CYP2R1: variants seen among roughly 807,000 people sequenced by gnomAD.
CYP2R1 encodes the protein cytochrome P450 family 2 subfamily R member 1, also known as vitamin D 25-hydroxylase.
Under a neutral mutation model 45.7 loss-of-function variants are expected in CYP2R1, and 40 were observed. The ratio of observed to expected loss-of-function variants is 0.87; its 90% CI spans 0.68 to 1.14. CYP2R1 has a LOEUF of 1.14. CYP2R1 is among the 50% of genes most tolerant of loss of function. The probability of loss-of-function intolerance (pLI) is 0.00; values close to 1 mark genes in which losing one functional copy is unlikely to be tolerated. For synonymous variants in CYP2R1, 234 were observed against 219.3 expected (o/e 1.07, Z -0.59); for missense variants, 605 against 602.6 (o/e 1.00, Z -0.04).
rs782549131 is a variant in CYP2R1, at chr11:14,885,841, T to C, written c.302A>G (p.His101Arg). 1.9e-6 allele frequency: 3 copies of C among 1,613,568 alleles called. No homozygotes were observed. Among genetic ancestry groups the C allele is most frequent in the Admixed American group, 3.3e-5 (2 of 59,966 alleles). ...GYDVVKECLV[H>R]QSEIFADRPC... ...TCTGTCTGCAAAAATTTCGCTTTGATGAACAAGGCATTCCTTTACTACATC... is the reference window on the plus strand; with the variant it reads ...TCTGTCTGCAAAAATTTCGCTTTGACGAACAAGGCATTCCTTTACTACATC... Residue 101 changes from histidine (H) to arginine (R), a missense_variant, in exon 2 of 5, where the codon CAT becomes CGT. Coordinates refer to ENST00000334636, the MANE Select transcript of CYP2R1 (RefSeq NM_024514.5).
chr11:14,885,076 A>G (rs1247540562), intron 2 of CYP2R1, among the ~76,000 whole-genome samples: 1 of 152,170 alleles, frequency 6.6e-6, no homozygotes, highest in African/African-American at 2.4e-5. Context: ...GTTTTTGCCT[A>G]TGTAAGCAAG....
At chr11:14,880,800 C>A in intron 2 of CYP2R1, 32 bp from the exon 3 acceptor site, 1 of 1,574,140 alleles carries the variant, frequency 6.4e-7, no homozygotes, top group Non-Finnish European at 8.6e-7. Context: ...TTGTATAATT[C>A]CTACTTCTCT....
chr11:14,884,244 C>T lies in CYP2R1; in HGVS notation c.367+1532G>A, dbSNP rs1208315671. ...GACACATGCACACATATGTTTATTG[C>T]GGCACTATTCACAATAGCAAAGACT... is the stretch of plus-strand genomic sequence containing the variant. On this transcript the variant is annotated intron_variant, in intron 2 of 4. Coordinates refer to ENST00000334636, the MANE Select transcript of CYP2R1 (RefSeq NM_024514.5). Among the ~76,000 whole-genome samples the T allele has an allele frequency of 5.9e-5, 9 of 151,836 alleles. 1 individual carries two copies. The East Asian group carries it at 8.0e-4, about 14-fold the overall frequency.
chr11:14,880,451 A>G lies in CYP2R1; in HGVS notation c.685T>C (p.Tyr229His). The change falls in exon 3 of 5, where the codon TAT becomes CAT. Residue 229 changes from tyrosine to histidine, a missense_variant. By Grantham distance (83) the Tyr-to-His change is moderately conservative. Transcript: ENST00000334636. ...ATGCCAATCCATGGAAAGGCATTAT[A>G]CAAGAAGACTGAGGCACTGGCAGCT... ...ELAASASVFL[Y>H]NAFPWIGILP... is the part of the protein sequence containing the mutation. 6.2e-7 allele frequency: 1 copy of G among 1,613,486 alleles called. No individual in the cohort carries two copies. The highest frequency in any genetic ancestry group is 8.5e-7 in the Non-Finnish European group (1 of 1,179,700).
intron 2 of CYP2R1, among the ~76,000 whole-genome samples, chr11:14,884,768 T>G (rs575580774): frequency 6.6e-6 from 1 of 152,190 alleles, no homozygotes; most frequent in South Asian, 2.1e-4. Flanking sequence ...AGTTGAATGC[T>G]TTATGATAAA....
At chr11:14,892,240 C>T (rs1190383206), upstream of CYP2R1, 1 of 1,590,564 alleles carries the variant, frequency 6.3e-7, no homozygotes. Flanking sequence ...CCACAGCAGC[C>T]CTGAGACCCA....
intron 1 of CYP2R1, 36 bp downstream of exon 1, chr11:14,891,945 G>A (rs1555017193): frequency 6.2e-7 from 1 of 1,604,192 alleles, no homozygotes; most frequent in Non-Finnish European, 8.5e-7. Flanking sequence ...GGCCAGCCTG[G>A]CGGCCCTCCC....
At chr11:14,878,931 T>C (rs1555010686) in intron 4 of CYP2R1, among the ~76,000 whole-genome samples, 183 bp downstream of exon 4, 2 of 152,118 alleles carry the variant, frequency 1.3e-5, no homozygotes, top group African/African-American at 4.8e-5. Context: ...TTAAGGCTTA[T>C]ATTAAGCCGA....
intron 1 of CYP2R1, among the ~76,000 whole-genome samples, chr11:14,889,002 T>G (rs558363034): frequency 1.1e-4 from 17 of 152,326 alleles, no homozygotes; most frequent in African/African-American, 3.4e-4. Context: ...TAATTTTCAG[T>G]GTGATACACT....
intron 1 of CYP2R1, chr11:14,891,267 T>C: frequency 2.0e-6 from 2 of 985,350 alleles, no homozygotes; most frequent in South Asian, 4.7e-5. Flanking sequence ...TTATGAGTTT[T>C]AAATGAGTCA....
chr11:14,879,238 T>G lies in CYP2R1; in HGVS notation c.1206A>C (p.Thr402=), dbSNP rs1175179181. Residue 402 remains threonine (T), a synonymous_variant, in exon 4 of 5, where the codon ACA becomes ACC. Transcript: ENST00000334636. ...YSIPKGTTVI[T]NLYSVHFDEK... is the part of the protein sequence containing the mutation. ...CATCAAAGTGTACAGAATAAAGATT[T>G]GTAATTACTGTTGTGCCTTTAGGAA... is the stretch of plus-strand genomic sequence containing the variant. 5 of 1,613,208 alleles carry G rather than the reference T, an allele frequency of 3.1e-6. No individual in the cohort carries two copies. The Admixed American group carries it at 6.7e-5, about 22-fold the overall frequency.
chr11:14,883,843 A>G (rs1288847028), intron 2 of CYP2R1, among the ~76,000 whole-genome samples: 5 of 152,154 alleles, frequency 3.3e-5, no homozygotes, highest in Non-Finnish European at 5.9e-5. Context: ...TACAAGAAAA[A>G]AACAACCCCA....
At chr11:14,879,564 G>T in intron 3 of CYP2R1, 121 bp from the exon 4 acceptor site, 1 of 691,758 alleles carries the variant, frequency 1.4e-6, no homozygotes, top group Non-Finnish European at 2.5e-6. Flanking sequence ...GATACATCCA[G>T]ATTCAGATTT....
intron 2 of CYP2R1, among the ~76,000 whole-genome samples, chr11:14,883,290 A>G (rs1485292040): frequency 6.6e-6 from 1 of 152,042 alleles, no homozygotes; most frequent in Non-Finnish European, 1.5e-5. Flanking sequence ...ACTATACTAC[A>G]AGGCTACACT....
intron 1 of CYP2R1, chr11:14,887,222 C>T (rs1477135922): frequency 1.3e-5 from 2 of 152,184 alleles, no homozygotes; most frequent in African/African-American, 4.8e-5. Flanking sequence ...AGTTGTGTCA[C>T]TATGAAGGCA....
intron 1 of CYP2R1, 43 bp from the exon 2 acceptor site, chr11:14,885,960 A>C (rs782287559): frequency 1.5e-5 from 24 of 1,586,038 alleles, no homozygotes; most frequent in Non-Finnish European, 1.9e-5. Flanking sequence ...GACAGCATGT[A>C]TGGAGAAATA....
Position 14,892,163 on chromosome 11 carries a change from C to T in CYP2R1, c.43G>A (p.Gly15Ser), listed in dbSNP as rs1848886847. 1.9e-6 allele frequency: 3 copies of T among 1,610,752 alleles called. No homozygotes were observed. The highest frequency in any genetic ancestry group is 2.5e-6 in the Non-Finnish European group (3 of 1,179,746). ...WRAEEGAAALGGALFLLLFAL... is the reference protein window; with the variant it reads ...WRAEEGAAALSGALFLLLFAL... ...AAGAGCAGCAGGAAGAGCGCGCCGCCGAGCGCCGCCGCGCCCTCTTCAGCT... is the reference window on the plus strand; with the variant it reads ...AAGAGCAGCAGGAAGAGCGCGCCGCTGAGCGCCGCCGCGCCCTCTTCAGCT... Residue 15 changes from glycine (G) to serine (S), a missense_variant, in exon 1 of 5, where the codon GGC (glycine) becomes AGC (serine). Gly to Ser is a moderately conservative substitution (Grantham distance 56). Coordinates refer to ENST00000334636, the MANE Select transcript of CYP2R1 (RefSeq NM_024514.5).
chr11:14,880,530 A>C lies in CYP2R1; in HGVS notation c.606T>G (p.Tyr202Ter). 1 of 1,613,542 alleles carries C rather than the reference A, an allele frequency of 6.2e-7. No individual in the cohort carries two copies. Among genetic ancestry groups the C allele is most frequent in the Non-Finnish European group, 8.5e-7 (1 of 1,179,700 alleles). Reference protein sequence around the residue: ...NLIIFGERFTYEDTDFQHMIE... With the variant: ...NLIIFGERFT ...TCATGTGCTGAAAATCGGTGTCTTC[A>C]TAAGTGAATCGTTCTCCAAAAATGA... The change falls in exon 3 of 5, where the codon TAT becomes TAG. Residue 202 changes from tyrosine (Y) to a stop codon, truncating the protein, a stop_gained. Transcript: ENST00000334636. LOFTEE classifies it high-confidence loss of function.
chr11:14,887,510 G>T, intron 1 of CYP2R1: 1 of 806,516 alleles, frequency 1.2e-6, no homozygotes, highest in Non-Finnish European at 1.5e-6. Flanking sequence ...TTTGATCTAT[G>T]GAAGGGTACA....
Sources: gnomAD v4.1 joint callset for allele counts (sites outside exome capture counted in the v4.1 genomes callset) on GRCh38, gnomAD v4.1.1 for gene constraint, MANE v1.5 for transcripts, NCBI Gene and HGNC (gene_info 2026-07-23, HGNC 2026-07-21) for gene names.